SHISA9: variants seen among roughly 807,000 people sequenced by gnomAD.
SHISA9 encodes the protein protein shisa-9.
SHISA9 carries 13 observed loss-of-function variants against 38.0 expected under a neutral mutation model. The observed-to-expected ratio is 0.34, with a 90% CI of 0.22 to 0.54. The LOEUF is 0.54. SHISA9 is among the 20% of genes least tolerant of loss of function. SHISA9 has a pLI of 0.91. For missense variants in SHISA9, 538 were observed against 575.8 expected, an observed-to-expected ratio of 0.93 and a Z score of 0.67; for synonymous variants, 275 against 242.0, an observed-to-expected ratio of 1.14 and a Z score of -1.27.
the SHISA9 span, among the ~76,000 whole-genome samples, chr16:13,373,795 A>G: frequency 6.6e-6 from 1 of 150,806 alleles, no homozygotes; most frequent in South Asian, 2.1e-4. Flanking sequence ...GAGTGACGAT[A>G]GTGCCACCCC....
chr16:13,521,454 C>T, the SHISA9 span, among the ~76,000 whole-genome samples: 1 of 152,172 alleles, frequency 6.6e-6, no homozygotes, highest in Non-Finnish European at 1.5e-5. Context: ...ATTGACTCTG[C>T]TTGTTTTCTT....
At chr16:13,469,125 C>T in the SHISA9 span, among the ~76,000 whole-genome samples, 1 of 150,932 alleles carries the variant, frequency 6.6e-6, no homozygotes, top group Non-Finnish European at 1.5e-5. Context: ...GTCTGTAATC[C>T]CAGCTATTCA....
At chr16:13,197,389 C>T (rs2050957262) in intron 2 of SHISA9, among the ~76,000 whole-genome samples, 1 of 152,090 alleles carries the variant, frequency 6.6e-6, no homozygotes, top group Non-Finnish European at 1.5e-5. Flanking sequence ...AGACTTGGAG[C>T]ATTCTCTCAG....
chr16:13,556,808 A>G, the SHISA9 span, among the ~76,000 whole-genome samples: 1 of 152,352 alleles, frequency 6.6e-6, no homozygotes, highest in South Asian at 2.1e-4. Flanking sequence ...ACAAAAAAAT[A>G]CAAATTTTTT....
At chr16:13,250,206 C>G in the SHISA9 span, among the ~76,000 whole-genome samples, 2 of 152,204 alleles carry the variant, frequency 1.3e-5, no homozygotes, top group African/African-American at 2.4e-5. Flanking sequence ...GGGAATTCAA[C>G]TGGACCCAGA....
intron 4 of SHISA9, among the ~76,000 whole-genome samples, chr16:13,230,880 T>C (rs1308482361): frequency 6.6e-6 from 1 of 152,206 alleles, no homozygotes; most frequent in Non-Finnish European, 1.5e-5. Context: ...CCATGGCATT[T>C]GTAAACTGTC....
intron 2 of SHISA9, among the ~76,000 whole-genome samples, chr16:13,042,638 G>A (rs1382930176): frequency 6.6e-6 from 1 of 152,128 alleles, no homozygotes; most frequent in Non-Finnish European, 1.5e-5. Context: ...GAATGTTTGT[G>A]GGTACTAAAA....
chr16:13,050,427 G>A (rs1032651493), intron 2 of SHISA9, among the ~76,000 whole-genome samples: 9 of 152,060 alleles, frequency 5.9e-5, no homozygotes, highest in African/African-American at 1.7e-4. Context: ...TACCTCCCAG[G>A]CTCAAGCCAT....
At chr16:12,983,293 T>G (rs4781371) in intron 2 of SHISA9, among the ~76,000 whole-genome samples, 4 of 152,196 alleles carry the variant, frequency 2.6e-5, no homozygotes, top group Non-Finnish European at 5.9e-5. Context: ...TTTCAAGCTG[T>G]GTGAGCTTGG....
the SHISA9 span, among the ~76,000 whole-genome samples, chr16:13,463,465 A>C: frequency 3.9e-5 from 6 of 152,284 alleles, no homozygotes; most frequent in African/African-American, 1.2e-4. Flanking sequence ...ACCTACTCTG[A>C]AGAGTTGCTC....
chr16:13,473,990 G>T, the SHISA9 span, among the ~76,000 whole-genome samples: 2 of 152,294 alleles, frequency 1.3e-5, no homozygotes, highest in Admixed American at 1.3e-4. Flanking sequence ...ACTGCCTGAT[G>T]CTGTGCAATG....
chr16:13,421,657 A>G, the SHISA9 span, among the ~76,000 whole-genome samples: 1 of 152,228 alleles, frequency 6.6e-6, no homozygotes, highest in African/African-American at 2.4e-5. Context: ...CATCCAATAG[A>G]ACAAAGTAAA....
chr16:12,955,621 T>C lies in SHISA9; in HGVS notation c.691+38806T>C, dbSNP rs2071820997. Among the ~76,000 whole-genome samples, 3 of 140,306 alleles carry C rather than the reference T, an allele frequency of 2.1e-5. No homozygotes were observed. In the Admixed American group the frequency reaches 2.2e-4, roughly 10 times the overall value. 92.0% of individuals were successfully genotyped at this position (140,306 alleles called of 152,430 possible). On this transcript the variant is annotated intron_variant, in intron 2 of 4. Coordinates refer to ENST00000558583, the MANE Select transcript of SHISA9 (RefSeq NM_001145204.3). ...AAGCCACATACCTACAGTCAACTTA[T>C]CTTCAACAAAGTAAAAAAAAAAAAA...
intron 1 of SHISA9, chr16:12,910,386 G>T: frequency 1.3e-6 from 1 of 778,582 alleles, no homozygotes; most frequent in Non-Finnish European, 1.6e-6. Flanking sequence ...AGAGATATGA[G>T]ATAACCATGA....
the SHISA9 span, among the ~76,000 whole-genome samples, chr16:13,269,492 C>T: frequency 1.6e-4 from 25 of 152,316 alleles, no homozygotes; most frequent in African/African-American, 6.0e-4. Context: ...CATCTATCTT[C>T]CCCTCTATGG....
chr16:13,539,820 A>G, the SHISA9 span, among the ~76,000 whole-genome samples: 1 of 152,108 alleles, frequency 6.6e-6, no homozygotes, highest in African/African-American at 2.4e-5. Flanking sequence ...CTCAGTGTTT[A>G]GGCACTTATA....
At chr16:13,148,485 C>T (rs2050467768) in intron 2 of SHISA9, among the ~76,000 whole-genome samples, 1 of 152,096 alleles carries the variant, frequency 6.6e-6, no homozygotes, top group South Asian at 2.1e-4. Flanking sequence ...CTCACACTCA[C>T]CTACCCACCC....
At chr16:13,500,576 G>T in the SHISA9 span, among the ~76,000 whole-genome samples, 1 of 150,060 alleles carries the variant, frequency 6.7e-6, no homozygotes, top group African/African-American at 2.5e-5. Context: ...AAGAGAAATA[G>T]AGAGAGAAGG....
chr16:13,149,796 G>A (rs2050481112), intron 2 of SHISA9, among the ~76,000 whole-genome samples: 1 of 151,286 alleles, frequency 6.6e-6, no homozygotes, highest in Non-Finnish European at 1.5e-5. Context: ...GTGGTGGTGG[G>A]TGCCGGCAAT....
Sources: allele counts gnomAD v4.1 joint callset (sites outside exome capture counted in the v4.1 genomes callset), GRCh38; gene constraint gnomAD v4.1.1; transcripts MANE v1.5; gene names NCBI Gene and HGNC (gene_info 2026-07-23, HGNC 2026-07-21).